The following GLRX3 variants were observed in gnomAD, a reference collection of about 807,000 sequenced individuals.
GLRX3 encodes glutaredoxin 3, also known as glutaredoxin-3.
A neutral mutation model predicts 49.5 loss-of-function variants in GLRX3; 22 were observed. The observed-to-expected ratio is 0.44, with a 90% confidence interval of 0.32 to 0.63. The LOEUF is 0.63. Ranked by LOEUF, GLRX3 falls within the 30% of genes least tolerant of loss-of-function variation. The pLI is 0.05. For missense variants in GLRX3, 385 were observed against 396.3 expected (o/e 0.97, Z 0.24); for synonymous variants, 133 against 140.0 (o/e 0.95, Z 0.35).
rs57482969 is a variant in GLRX3 at position 130,148,433 on chromosome 10, CTTTTTTTTTTT to C, written c.201+3131_201+3141del. ...GATGTGAGCCACTTTGCCCTTCAGT[CTTTTTTTTTTT>C]TTTTTTTTTTTTTTTTAATGATGAA... On this transcript the variant is annotated intron_variant, in intron 2 of 10. Transcript: ENST00000331244. 1.3e-4 allele frequency among the ~76,000 whole-genome samples: 9 copies of C among 70,582 alleles called. No homozygotes were observed. The South Asian group carries it at 3.0e-3, about 23-fold the overall frequency. The allele number at this position is 70,582 out of a possible 152,430, so 46.3% of individuals were successfully genotyped here.
Position 130,168,213 on chromosome 10 carries a change from A to C in GLRX3, c.714-1220A>C, listed in dbSNP as rs180721114. Among the ~76,000 whole-genome samples, 70 of 152,344 alleles carry C rather than the reference A, an allele frequency of 4.6e-4. 1 individual carries two copies. Among genetic ancestry groups the C allele is most frequent in the Middle Eastern group, 3.4e-3 (1 of 294 alleles). Reference sequence around the variant, plus strand: ...AAAGGGCTCCGAGTGAGCAGAGTGTAGGAAGTGGAGTTCATGGACTTGTGA... The same window carrying C: ...AAAGGGCTCCGAGTGAGCAGAGTGTCGGAAGTGGAGTTCATGGACTTGTGA... On this transcript the variant is annotated intron_variant, in intron 6 of 10. Transcript: ENST00000331244.
chr10:130,162,816 G>A lies in GLRX3; in HGVS notation c.478+1819G>A, dbSNP rs549163053. Among the ~76,000 whole-genome samples the A allele has an allele frequency of 3.4e-4, 52 of 152,240 alleles. No homozygotes were observed. The Middle Eastern group carries it at 0.017, about 50-fold the overall frequency. ...AGGCGAGCCTCAGGCCCACCCCTGC[G>A]GCCTTAGCAACTTTGGGGACAAGTC... On this transcript the variant is annotated intron_variant, in intron 4 of 10. Coordinates refer to ENST00000331244, the MANE Select transcript of GLRX3 (RefSeq NM_006541.5).
At chr10:130,141,042 C>T (rs1430813612) in intron 1 of GLRX3, among the ~76,000 whole-genome samples, 1 of 152,160 alleles carries the variant, frequency 6.6e-6, no homozygotes, top group Non-Finnish European at 1.5e-5. Flanking sequence ...ATGATTTAAA[C>T]AGTCCTTTTG....
chr10:130,160,732 C>T (rs145841228), intron 3 of GLRX3, 64 bp from the exon 4 acceptor site: 1 of 932,616 alleles, frequency 1.1e-6, no homozygotes. Context: ...CTTTAAAAAT[C>T]TGCTATAACA....
At chr10:130,141,200 T>TG (rs1862167650) in intron 1 of GLRX3, among the ~76,000 whole-genome samples, 1 of 151,994 alleles carries the variant, frequency 6.6e-6, no homozygotes, top group South Asian at 2.1e-4. Flanking sequence ...GCCTGTAGTC[T>TG]GGGAGGCTGA....
chr10:130,174,772 G>A (rs1862882159), intron 8 of GLRX3, 95 bp from the exon 9 acceptor site: 5 of 795,470 alleles, frequency 6.3e-6, no homozygotes, highest in Middle Eastern at 3.6e-4. Flanking sequence ...GCAGTGAAAC[G>A]GTTTTCTTGA....
chr10:130,155,623 G>C (rs1862457387), intron 2 of GLRX3, among the ~76,000 whole-genome samples: 1 of 152,190 alleles, frequency 6.6e-6, no homozygotes, highest in South Asian at 2.1e-4. Context: ...GGGAGGAGCA[G>C]GTTTAGTGAG....
intron 1 of GLRX3, among the ~76,000 whole-genome samples, chr10:130,144,881 C>A (rs1020997909): frequency 6.6e-6 from 1 of 152,170 alleles, no homozygotes; most frequent in African/African-American, 2.4e-5. Flanking sequence ...GAGGAATTGC[C>A]ACACTGTCTT....
At chr10:130,140,229 G>A (rs1862148135) in intron 1 of GLRX3, among the ~76,000 whole-genome samples, 1 of 152,172 alleles carries the variant, frequency 6.6e-6, no homozygotes, top group African/African-American at 2.4e-5. Flanking sequence ...ACAACTATTT[G>A]CTGATGAAGA....
At chr10:130,174,785 A>G (rs1341940410) in intron 8 of GLRX3, 82 bp from the exon 9 acceptor site, 35 of 886,366 alleles carry the variant, frequency 3.9e-5, no homozygotes, top group Non-Finnish European at 6.3e-5. Flanking sequence ...TTTCTTGATT[A>G]TTTTAAAAAC....
At chr10:130,171,343 A>G (rs539643253) in intron 7 of GLRX3, among the ~76,000 whole-genome samples, 3 of 152,268 alleles carry the variant, frequency 2.0e-5, no homozygotes. Context: ...CTGTTGGAAC[A>G]CATGTCATCT....
At position 130,145,611 on chromosome 10, in the gene GLRX3, G is replaced by A. The variant is rs538606976; in HGVS notation, c.201+292G>A. Among the ~76,000 whole-genome samples the A allele has an allele frequency of 1.1e-4, 17 of 152,144 alleles. No individual in the cohort carries two copies. The South Asian group carries it at 1.9e-3, about 17-fold the overall frequency. Reference sequence around the variant, plus strand: ...CGGGAGGCAGAGATTGCAGTGAGCCGAGATTGTGCCACTGCACTCCAGCCT... The same window carrying A: ...CGGGAGGCAGAGATTGCAGTGAGCCAAGATTGTGCCACTGCACTCCAGCCT... On this transcript the variant is annotated intron_variant, in intron 2 of 10. Coordinates refer to ENST00000331244, the MANE Select transcript of GLRX3 (RefSeq NM_006541.5).
At chr10:130,159,459 C>T (rs895728220) in intron 2 of GLRX3, among the ~76,000 whole-genome samples, 1 of 152,120 alleles carries the variant, frequency 6.6e-6, no homozygotes, top group Non-Finnish European at 1.5e-5. Context: ...GCCTAGTGTC[C>T]AGCAGCCTTG....
intron 1 of GLRX3, among the ~76,000 whole-genome samples, chr10:130,139,270 G>A (rs796929201): frequency 3.2e-4 from 49 of 152,216 alleles, no homozygotes; most frequent in African/African-American, 1.1e-3. Context: ...TAGTTCAAAC[G>A]GACACGTGAT....
chr10:130,153,524 CTGTTTGTTAGTTT>C (rs1374713126), intron 2 of GLRX3, among the ~76,000 whole-genome samples: 5 of 152,152 alleles, frequency 3.3e-5, no homozygotes, highest in African/African-American at 1.2e-4. Flanking sequence ...CTATTCCTTT[CTGTTTGTTAGTTT>C]TCTTTCTAAC....
intron 2 of GLRX3, among the ~76,000 whole-genome samples, chr10:130,145,741 G>A (rs1862259614): frequency 6.6e-6 from 1 of 152,080 alleles, no homozygotes; most frequent in South Asian, 2.1e-4. Context: ...TTCCAAATAT[G>A]TATAATTGGT....
chr10:130,168,215 G>A (rs1301329564), intron 6 of GLRX3, among the ~76,000 whole-genome samples: 3 of 152,214 alleles, frequency 2.0e-5, no homozygotes, highest in Non-Finnish European at 2.9e-5. Context: ...CAGAGTGTAG[G>A]AAGTGGAGTT....
In GLRX3 at chr10:130,157,415, A is replaced by G. The variant is rs1862491554; in HGVS notation, c.202-2580A>G. Among the ~76,000 whole-genome samples, 5 of 141,108 alleles carry G rather than the reference A, an allele frequency of 3.5e-5. 1 individual carries two copies. The South Asian group carries it at 1.2e-3, about 33-fold the overall frequency. The allele number at this position is 141,108 out of a possible 152,430, so 92.6% of individuals were successfully genotyped here. On this transcript the variant is annotated intron_variant, in intron 2 of 10. Transcript: ENST00000331244. ...AGAGAGAAAGAGGGAGAAAGACAGG[A>G]TTTGCTTTTTTGCTTTTCCTCTGCA...
intron 2 of GLRX3, among the ~76,000 whole-genome samples, chr10:130,157,352 G>C (rs899736173): frequency 6.6e-6 from 1 of 151,330 alleles, no homozygotes; most frequent in African/African-American, 2.4e-5. Context: ...GGGGCAGGAG[G>C]GGTGGGGGAT....
Sources: gnomAD v4.1 joint callset for allele counts (sites outside exome capture counted in the v4.1 genomes callset) on GRCh38, gnomAD v4.1.1 for gene constraint, MANE v1.5 for transcripts, NCBI Gene and HGNC (gene_info 2026-07-23, HGNC 2026-07-21) for gene names.